The following CTDP1 variants were observed in gnomAD, a reference collection of about 807,000 sequenced individuals.
CTDP1 encodes RNA polymerase II subunit A C-terminal domain phosphatase.
In CTDP1, 47 loss-of-function variants were observed where a neutral mutation model predicts 91.8. That is an observed-to-expected ratio of 0.51 (90% CI 0.41 to 0.65). CTDP1 has a LOEUF of 0.65. Ranked by LOEUF, CTDP1 falls within the 30% of genes least tolerant of loss-of-function variation. The probability of loss-of-function intolerance (pLI) is 0.00; values close to 1 mark genes in which losing one functional copy is unlikely to be tolerated. For synonymous variants in CTDP1, 656 were observed against 598.5 expected, an observed-to-expected ratio of 1.10 and a Z score of -1.40; for missense variants, 1,272 against 1,373.7, an observed-to-expected ratio of 0.93 and a Z score of 1.17.
intron 10 of CTDP1, among the ~76,000 whole-genome samples, chr18:79,723,706 A>G (rs1019980064): frequency 6.6e-6 from 1 of 152,072 alleles, no homozygotes; most frequent in Non-Finnish European, 1.5e-5. Context: ...GCTCACCACT[A>G]GGACCCACAC....
intron 10 of CTDP1, 26 bp downstream of exon 10, chr18:79,718,042 C>G (rs1477773520): frequency 3.1e-6 from 5 of 1,610,956 alleles, no homozygotes; most frequent in South Asian, 1.1e-5. Context: ...GCCACTGTCC[C>G]CAGCTAATGA....
Position 79,679,856 on chromosome 18 carries a change from C to G in CTDP1, c.-92C>G, listed in dbSNP as rs2085316475. On this transcript the variant is annotated 5_prime_UTR_variant, in exon 1 of 13. Transcript: ENST00000613122. ...AAGCCGGTACCGAGAGGAACTACAG[C>G]GTCGCCGCCTGGGTTGTGTCGCCGC... 2.5e-6 allele frequency: 3 copies of G among 1,189,098 alleles called. No homozygotes were observed. The highest frequency in any genetic ancestry group is 3.3e-6 in the Non-Finnish European group (3 of 907,196). The allele number at this position is 1,189,098 out of a possible 1,614,324, so 73.7% of individuals were successfully genotyped here. A position where few individuals can be genotyped will look rare whatever the true frequency, so the allele number is the denominator to read the frequency against.
intron 3 of CTDP1, among the ~76,000 whole-genome samples, chr18:79,697,086 T>C (rs115185887): frequency 0.019 from 2,908 of 152,286 alleles, 102 homozygotes; most frequent in African/African-American, 0.066. Flanking sequence ...TTTAAACAAA[T>C]GTAAAATGTG....
chr18:79,688,522 C>T (rs2085554774), intron 1 of CTDP1, among the ~76,000 whole-genome samples: 1 of 151,974 alleles, frequency 6.6e-6, no homozygotes, highest in African/African-American at 2.4e-5. Flanking sequence ...GCCTCGGCCT[C>T]CTGAAGTGTT....
At chr18:79,694,590 C>G (rs866300090) in intron 1 of CTDP1, among the ~76,000 whole-genome samples, 21 of 133,838 alleles carry the variant, frequency 1.6e-4, no homozygotes, top group African/African-American at 5.9e-4. Flanking sequence ...GTCTCATGTT[C>G]GCAGGGTGGG....
chr18:79,711,384 C>G (rs1416821549), intron 6 of CTDP1, among the ~76,000 whole-genome samples: 1 of 152,098 alleles, frequency 6.6e-6, no homozygotes, highest in Non-Finnish European at 1.5e-5. Flanking sequence ...GGATTTGGCC[C>G]TTTTGCCTCT....
chr18:79,711,608 G>A lies in CTDP1; in HGVS notation c.863+1172G>A, dbSNP rs564744477. On this transcript the variant is annotated intron_variant, in intron 6 of 12. Coordinates refer to ENST00000613122, the MANE Select transcript of CTDP1 (RefSeq NM_004715.5). ...TTTAGCGGCAGTTCTTGACATCAGC[G>A]TCAGCATCTGAGGTTGATAATTTTC... Among the ~76,000 whole-genome samples, 45 of 152,286 alleles carry A rather than the reference G, an allele frequency of 3.0e-4. 1 individual carries two copies. Among genetic ancestry groups the A allele is most frequent in the South Asian group, 1.5e-3 (7 of 4,824 alleles).
chr18:79,694,801 A>G (rs1380435053), intron 1 of CTDP1, among the ~76,000 whole-genome samples: 1 of 152,232 alleles, frequency 6.6e-6, no homozygotes, highest in Non-Finnish European at 1.5e-5. Context: ...TTTGTCAGGA[A>G]AATGTAGTTG....
intron 1 of CTDP1, chr18:79,683,116 C>T (rs1470027995): frequency 1.3e-5 from 2 of 152,226 alleles, no homozygotes; most frequent in African/African-American, 2.4e-5. Context: ...GAGGAACTGC[C>T]TTCAACCGTC....
At chr18:79,709,944 A>G (rs2086046392) in intron 5 of CTDP1, among the ~76,000 whole-genome samples, 2 of 152,356 alleles carry the variant, frequency 1.3e-5, no homozygotes, top group African/African-American at 4.8e-5. Flanking sequence ...GGTGACGCAG[A>G]GTAATTTCAG....
At chr18:79,708,555 A>G (rs2086015665) in intron 5 of CTDP1, among the ~76,000 whole-genome samples, 1 of 152,298 alleles carries the variant, frequency 6.6e-6, no homozygotes, top group South Asian at 2.1e-4. Context: ...TGTGCCATGC[A>G]GAGGCGTGGA....
At chr18:79,743,468 G>A (rs1437100990) in intron 12 of CTDP1, among the ~76,000 whole-genome samples, 2 of 148,422 alleles carry the variant, frequency 1.3e-5, no homozygotes, top group Non-Finnish European at 3.0e-5. Flanking sequence ...GGAGGTTGCG[G>A]TGAGCCGAGA....
In CTDP1 at chr18:79,717,553, A is replaced by G; in HGVS notation, c.2087A>G (p.Gln696Arg). ...CCTGCAGGCACAGAGAAGGTGCTGC[A>G]GGCACAGGAGTGCGGACACCTGCAC... Reference protein sequence around the residue: ...AARAGTEKVLQAQECGHLHVV... With the variant: ...AARAGTEKVLRAQECGHLHVV... The change falls in exon 9 of 13, where the codon CAG (glutamine) becomes CGG (arginine). Residue 696 changes from glutamine (Q) to arginine (R), a missense_variant. By Grantham distance (43) the Gln-to-Arg change is conservative. Transcript: ENST00000613122. 1.2e-6 allele frequency: 2 copies of G among 1,613,542 alleles called. No homozygotes were observed.
chr18:79,748,851 GTCTGTGTGTGAGCCGT>G (rs2122884742), intron 12 of CTDP1, among the ~76,000 whole-genome samples: 2 of 152,132 alleles, frequency 1.3e-5, no homozygotes, highest in African/African-American at 4.8e-5. Context: ...CATGAGCCGT[GTCTGTGTGTGAGCCGT>G]TCTGTGTGTT....
chr18:79,718,162 C>A, intron 10 of CTDP1, 146 bp downstream of exon 10: 1 of 940,540 alleles, frequency 1.1e-6, no homozygotes, highest in Non-Finnish European at 1.6e-6. Context: ...CTTGTGGGAG[C>A]GCCGCCCCCG....
At chr18:79,725,507 T>A (rs1341233988) in intron 10 of CTDP1, among the ~76,000 whole-genome samples, 2 of 152,060 alleles carry the variant, frequency 1.3e-5, no homozygotes, top group Admixed American at 1.3e-4. Context: ...AAGGAATTGC[T>A]CCGCTTACCT....
chr18:79,742,312 G>A (rs1031363967), intron 12 of CTDP1, among the ~76,000 whole-genome samples: 16 of 150,902 alleles, frequency 1.1e-4, no homozygotes, highest in African/African-American at 3.9e-4. Flanking sequence ...CAGCAGAGGA[G>A]GCATGAGGCG....
At chr18:79,714,188 G>A (rs373591583) in intron 7 of CTDP1, among the ~76,000 whole-genome samples, 73 of 152,320 alleles carry the variant, frequency 4.8e-4, no homozygotes, top group African/African-American at 1.6e-3. Flanking sequence ...TGCCCACATG[G>A]TGCTTAAAGG....
intron 8 of CTDP1, among the ~76,000 whole-genome samples, chr18:79,716,588 G>A (rs1373166829): frequency 6.6e-6 from 1 of 151,978 alleles, no homozygotes; most frequent in African/African-American, 2.4e-5. Flanking sequence ...GGTCCTCCTT[G>A]GCCCCTCAGG....
Sources: gnomAD v4.1 joint callset for allele counts (sites outside exome capture counted in the v4.1 genomes callset) on GRCh38, gnomAD v4.1.1 for gene constraint, MANE v1.5 for transcripts, NCBI Gene and HGNC (gene_info 2026-07-23, HGNC 2026-07-21) for gene names.